CP: variants seen among roughly 807,000 people sequenced by gnomAD.
CP encodes caeruloplasmin.
A neutral mutation model predicts 122.4 loss-of-function variants in CP; 64 were observed. That is an observed-to-expected ratio of 0.52 (90% CI 0.43 to 0.64). The LOEUF (loss-of-function observed/expected upper bound fraction) is 0.64, where lower values mean the gene tolerates loss of function less well. Ranked by LOEUF, CP falls within the 30% of genes least tolerant of loss-of-function variation. The pLI, the probability that CP is intolerant of heterozygous loss-of-function variation, is 0.00. For missense variants in CP, 1,167 were observed against 1,284.4 expected (o/e 0.91, Z 1.40); for synonymous variants, 440 against 436.4 (o/e 1.01, Z -0.10).
At chr3:149,204,405 T>C (rs903540577) in intron 6 of CP, among the ~76,000 whole-genome samples, 4 of 152,176 alleles carry the variant, frequency 2.6e-5, no homozygotes, top group African/African-American at 9.7e-5. Context: ...CCTTCAGAGA[T>C]AGTTTCTATA....
chr3:149,197,639 CG>C (rs1559948483), intron 9 of CP, among the ~76,000 whole-genome samples: 1 of 152,114 alleles, frequency 6.6e-6, no homozygotes, highest in East Asian at 1.9e-4. Flanking sequence ...ACCGGTTTCA[CG>C]GAAGACATTT....
intron 7 of CP, 22 bp downstream of exon 7, chr3:149,202,080 T>C (rs1286642920): frequency 6.2e-7 from 1 of 1,613,748 alleles, no homozygotes; most frequent in Non-Finnish European, 8.5e-7. Flanking sequence ...AAACCAGCCA[T>C]ATATATTCTG....
At chr3:149,183,701 T>C in intron 12 of CP, 96 bp from the exon 13 acceptor site, 3 of 868,160 alleles carry the variant, frequency 3.5e-6, no homozygotes, top group Non-Finnish European at 5.2e-6. Context: ...TAGTTTTTAT[T>C]AGAGTAATTA....
intron 1 of CP, among the ~76,000 whole-genome samples, chr3:149,221,415 G>A (rs956949659): frequency 2.0e-5 from 3 of 152,098 alleles, no homozygotes; most frequent in Admixed American, 6.6e-5. Context: ...ACCATGGGAG[G>A]TAGTAAGATG....
chr3:149,176,969 T>C (rs1009615587), intron 17 of CP, among the ~76,000 whole-genome samples: 3 of 152,132 alleles, frequency 2.0e-5, no homozygotes, highest in Non-Finnish European at 4.4e-5. Context: ...TAAAACAAAA[T>C]GCAGGTAACA....
At chr3:149,210,482 T>C (rs1728037234) in intron 2 of CP, 103 bp from the exon 3 acceptor site, 1 of 991,612 alleles carries the variant, frequency 1.0e-6, no homozygotes, top group Non-Finnish European at 1.6e-6. Flanking sequence ...ATTAAACATC[T>C]ACTATGTGAT....
intron 11 of CP, 21 bp downstream of exon 11, chr3:149,186,499 C>T (rs1450529504): frequency 6.2e-7 from 1 of 1,609,494 alleles, no homozygotes; most frequent in Non-Finnish European, 8.5e-7. Flanking sequence ...CCAATAGAGA[C>T]TTGGCTTTAA....
intron 10 of CP, 92 bp downstream of exon 10, chr3:149,187,960 T>A: frequency 7.3e-7 from 1 of 1,362,422 alleles, no homozygotes; most frequent in Non-Finnish European, 1.0e-6. Flanking sequence ...AAATAATCAA[T>A]GAGCAAAGCT....
At chr3:149,210,928 G>A (rs919965128) in intron 2 of CP, among the ~76,000 whole-genome samples, 26 of 152,186 alleles carry the variant, frequency 1.7e-4, no homozygotes, top group Admixed American at 5.2e-4. Flanking sequence ...TTTAAAGCAC[G>A]TCTCAGACAT....
rs866769733 is a variant in CP, at chr3:149,162,714, AC to A, written c.*174del. ...GGTGCTTTGTGCTAAGGATGAAGAT[AC>A]AATTCCTCAGCTCTTGGTAGACTTT... On this transcript the variant is annotated 3_prime_UTR_variant, in exon 6 of 6. Coordinates refer to the CP transcript ENST00000479771. The A allele has an allele frequency of 2.5e-6, 4 of 1,613,934 alleles. No individual in the cohort carries two copies. Among genetic ancestry groups the A allele is most frequent in the African/African-American group, 2.7e-5 (2 of 74,906 alleles).
intron 12 of CP, among the ~76,000 whole-genome samples, chr3:149,184,449 G>A (rs995828192): frequency 2.6e-5 from 4 of 152,104 alleles, no homozygotes; most frequent in Admixed American, 2.6e-4. Context: ...TGTCAAACAG[G>A]TAACCACTGC....
chr3:149,218,407 CA>C (rs1728598314), intron 1 of CP, among the ~76,000 whole-genome samples: 2 of 152,140 alleles, frequency 1.3e-5, no homozygotes. Flanking sequence ...AAGTAAATAG[CA>C]GTACTGAGTA....
intron 1 of CP, among the ~76,000 whole-genome samples, chr3:149,219,858 T>A (rs968148554): frequency 1.1e-4 from 17 of 151,670 alleles, no homozygotes; most frequent in African/African-American, 4.1e-4. Flanking sequence ...AGGGCTCAGA[T>A]GACAGGAAGG....
At chr3:149,187,798 T>G (rs1726272364) in intron 10 of CP, 1 of 448,266 alleles carries the variant, frequency 2.2e-6, no homozygotes, top group Non-Finnish European at 4.1e-6. Flanking sequence ...AGTCCCTCAG[T>G]GATGCTGAGG....
chr3:149,198,155 G>C (rs560953163), intron 9 of CP, among the ~76,000 whole-genome samples: 5 of 152,256 alleles, frequency 3.3e-5, no homozygotes, highest in Admixed American at 3.3e-4. Flanking sequence ...TGTGAACATT[G>C]ATTGGCTATT....
intron 4 of CP, chr3:149,167,038 T>TTATATGTGGTCC: frequency 6.2e-7 from 1 of 1,611,044 alleles, no homozygotes; most frequent in South Asian, 1.1e-5. Context: ...TCATAGTCTC[T>TTATATGTGGTCC]TATATGTGGT....
chr3:149,183,420 A>C, intron 13 of CP, 46 bp downstream of exon 13: 1 of 1,591,534 alleles, frequency 6.3e-7, no homozygotes, highest in South Asian at 1.1e-5. Context: ...TGCAGGTAGC[A>C]TCACATCATT....
At position 149,217,190 on chromosome 3, in the gene CP, C is replaced by T. The variant is rs867953404; in HGVS notation, c.146+4457G>A. On this transcript the variant is annotated intron_variant, in intron 1 of 18. Coordinates refer to ENST00000264613, the MANE Select transcript of CP (RefSeq NM_000096.4). The stretch of plus-strand genomic sequence containing the variant: ...CTGGGATTACAGGTGTGAGCCACCA[C>T]GCCCAGCCCTATTGCTTGCTATTTT... Among the ~76,000 whole-genome samples the T allele has an allele frequency of 4.6e-5, 7 of 152,142 alleles. No individual in the cohort carries two copies. The South Asian group carries it at 1.0e-3, about 23-fold the overall frequency.
At position 149,176,233 on chromosome 3, in the gene CP, A is replaced by AGTTATATCTTTTATATATGGCTT; in HGVS notation, c.3181+16_3181+17insAAGCCATATATAAAAGATATAAC. 2 of 1,610,016 alleles carry AGTTATATCTTTTATATATGGCTT rather than the reference A, an allele frequency of 1.2e-6. No individual in the cohort carries two copies. The highest frequency in any genetic ancestry group is 1.7e-6 in the Non-Finnish European group (2 of 1,178,040). Reference sequence around the variant, plus strand: ...TCTTTTATATATGGCTTCTAGAATTACTACCTGGATATTCACCTTCATTTT... The same window carrying AGTTATATCTTTTATATATGGCTT: ...TCTTTTATATATGGCTTCTAGAATTAGTTATATCTTTTATATATGGCTTCTACCTGGATATTCACCTTCATTTT... On this transcript the variant is annotated intron_variant, in intron 18 of 18. Coordinates refer to ENST00000264613, the MANE Select transcript of CP (RefSeq NM_000096.4).
Sources: gnomAD v4.1 joint callset for allele counts (sites outside exome capture counted in the v4.1 genomes callset) on GRCh38, gnomAD v4.1.1 for gene constraint, MANE v1.5 for transcripts, NCBI Gene and HGNC (gene_info 2026-07-23, HGNC 2026-07-21) for gene names.